The following API5 variants were observed in gnomAD, a reference collection of about 807,000 sequenced individuals.
The protein encoded by API5 is FIF.
In API5, 6 loss-of-function variants were observed where a neutral mutation model predicts 71.9. The ratio of observed to expected loss-of-function variants is 0.08; its 90% CI spans 0.05 to 0.16. The LOEUF (loss-of-function observed/expected upper bound fraction) is 0.16, where lower values mean the gene tolerates loss of function less well. API5 is among the 10% of genes least tolerant of loss of function. The pLI is 1.00. For missense variants in API5, 332 were observed against 612.8 expected, an observed-to-expected ratio of 0.54 and a Z score of 4.84; for synonymous variants, 189 against 221.3, an observed-to-expected ratio of 0.85 and a Z score of 1.30.
chr11:43,321,043 C>T, intron 3 of API5, 129 bp downstream of exon 3: 4 of 719,672 alleles, frequency 5.6e-6, no homozygotes, highest in Middle Eastern at 6.8e-4. Context: ...ATTAAATTTC[C>T]TACTTTCATT....
At chr11:43,317,968 A>T (rs926272410) in intron 1 of API5, among the ~76,000 whole-genome samples, 1 of 149,550 alleles carries the variant, frequency 6.7e-6, no homozygotes, top group African/African-American at 2.5e-5. Context: ...GAGCCACCAC[A>T]CCTGGCCATC....
rs187513563 is a variant in API5, at chr11:43,330,652, A to G, written c.1278+88A>G. 46 of 1,051,998 alleles carry G rather than the reference A, an allele frequency of 4.4e-5. No individual in the cohort carries two copies. In the African/African-American group the frequency reaches 7.1e-4, roughly 16 times the overall value. The allele number at this position is 1,051,998 out of a possible 1,614,324, so 65.2% of individuals were successfully genotyped here. A position where few individuals can be genotyped will look rare whatever the true frequency, so the allele number is the denominator to read the frequency against. On this transcript the variant is annotated intron_variant, in intron 11 of 13. Transcript: ENST00000531273. ...AAAAGTTTTGCATAAGATACTTCCA[A>G]CAAAGGGAGGCATGCAAACTTCTTC...
chr11:43,322,155 T>A lies in API5; in HGVS notation c.543+19T>A. The A allele has an allele frequency of 6.3e-7, 1 of 1,577,476 alleles. No individual in the cohort carries two copies. Among genetic ancestry groups the A allele is most frequent in the Non-Finnish European group, 8.6e-7 (1 of 1,165,290 alleles). ...CAAAAAGGTGAGCTTTGGTCTTCAT[T>A]TGGTGGAAATTCTCTAAAGCAAAAG... On this transcript the variant is annotated intron_variant, in intron 5 of 13. Transcript: ENST00000531273.
intron 8 of API5, among the ~76,000 whole-genome samples, chr11:43,328,199 A>C (rs1855137597): frequency 1.3e-5 from 2 of 152,198 alleles, no homozygotes; most frequent in South Asian, 4.1e-4. Flanking sequence ...AACATCTGGC[A>C]CTCGTCCAGA....
Position 43,312,111 on chromosome 11 carries a change from T to G in API5, c.-17T>G. The G allele has an allele frequency of 6.2e-7, 1 of 1,613,362 alleles. No individual in the cohort carries two copies. Among genetic ancestry groups the G allele is most frequent in the Non-Finnish European group, 8.5e-7 (1 of 1,179,850 alleles). On this transcript the variant is annotated 5_prime_UTR_variant, in exon 1 of 14. Coordinates refer to ENST00000531273, the MANE Select transcript of API5 (RefSeq NM_001142930.2). ...GGACAAGGATAGCGGAACCGGGCCC[T>G]GGGCTTGTCGCTCACCATGCCGACA...
chr11:43,312,604 G>GA (rs983045580), intron 1 of API5, among the ~76,000 whole-genome samples: 26 of 152,024 alleles, frequency 1.7e-4, no homozygotes, highest in African/African-American at 2.4e-5. Context: ...TTTTGGGGGG[G>GA]AGGCAAAATT....
intron 11 of API5, 91 bp downstream of exon 11, chr11:43,330,655 AAGGG>A (rs1855220618): frequency 9.9e-7 from 1 of 1,011,402 alleles, no homozygotes; most frequent in Admixed American, 2.2e-5. Context: ...ACTTCCAACA[AAGGG>A]AGGCATGCAA....
chr11:43,333,650 C>A (rs967806573), intron 11 of API5, among the ~76,000 whole-genome samples: 5 of 152,068 alleles, frequency 3.3e-5, no homozygotes, highest in Admixed American at 2.6e-4. Flanking sequence ...CAGATAGATA[C>A]ATGATTGGCT....
chr11:43,332,794 G>T (rs1467423505), intron 11 of API5, among the ~76,000 whole-genome samples: 1 of 152,082 alleles, frequency 6.6e-6, no homozygotes, highest in Non-Finnish European at 1.5e-5. Flanking sequence ...ACCTTTATTG[G>T]TGTTAAATCA....
chr11:43,329,825 G>A (rs1855194220), intron 9 of API5, 140 bp from the exon 10 acceptor site: 1 of 655,390 alleles, frequency 1.5e-6, no homozygotes. Flanking sequence ...TCAGAAACAA[G>A]CAACTTAAAA....
At chr11:43,314,942 T>C (rs772419823) in intron 1 of API5, among the ~76,000 whole-genome samples, 3 of 152,194 alleles carry the variant, frequency 2.0e-5, no homozygotes, top group Non-Finnish European at 4.4e-5. Context: ...GAGAAAACCG[T>C]GTTCATGTTC....
Position 43,318,795 on chromosome 11 carries a change from T to C in API5, c.225T>C (p.Asp75=). 1.2e-6 allele frequency: 2 copies of C among 1,612,082 alleles called. No homozygotes were observed. Among genetic ancestry groups the C allele is most frequent in the South Asian group, 1.1e-5 (1 of 90,990 alleles). Residue 75 remains aspartate (D), a synonymous_variant, in exon 2 of 14, where the codon GAT becomes GAC. Coordinates refer to ENST00000531273, the MANE Select transcript of API5 (RefSeq NM_001142930.2). ...AGTTAGACCTCTGTGAGGATGAAGATGTATCTGTAAGTTTATGAATGACAC... is the reference window on the plus strand; with the variant it reads ...AGTTAGACCTCTGTGAGGATGAAGACGTATCTGTAAGTTTATGAATGACAC... ...NAQLDLCEDE[D]VSIRRQAIKE...
chr11:43,339,578 A>ATGAAAGT (rs1855545318), intron 13 of API5, among the ~76,000 whole-genome samples: 1 of 152,202 alleles, frequency 6.6e-6, no homozygotes, highest in Non-Finnish European at 1.5e-5. Flanking sequence ...TCTGTACATC[A>ATGAAAGT]CAAGTGACTT....
intron 13 of API5, among the ~76,000 whole-genome samples, chr11:43,337,806 G>C (rs1031517006): frequency 3.9e-5 from 6 of 152,168 alleles, no homozygotes; most frequent in Non-Finnish European, 7.3e-5. Flanking sequence ...GGCAATACAA[G>C]AATTGTACTC....
intron 6 of API5, among the ~76,000 whole-genome samples, chr11:43,325,168 A>G (rs1444368828): frequency 6.6e-5 from 10 of 152,246 alleles, no homozygotes; most frequent in African/African-American, 2.4e-4. Flanking sequence ...ACTTGTACTT[A>G]TAACATGTCT....
At position 43,312,072 on chromosome 11, in the gene API5, G is replaced by T; in HGVS notation, c.-56G>T. 3 of 1,596,668 alleles carry T rather than the reference G, an allele frequency of 1.9e-6. No individual in the cohort carries two copies. The highest frequency in any genetic ancestry group is 2.2e-5 in the East Asian group (1 of 44,596). On this transcript the variant is annotated 5_prime_UTR_variant, in exon 1 of 14. Transcript: ENST00000531273. ...GGGTTTGGAGAAGTTCCGAGGCGGC[G>T]GTGGCGCCGGTCAGGACAAGGATAG...
intron 1 of API5, chr11:43,318,395 C>T (rs1565100933): frequency 6.6e-7 from 1 of 1,503,806 alleles, no homozygotes; most frequent in Non-Finnish European, 8.9e-7. Flanking sequence ...TTAACAAACA[C>T]ATTTGCTTTT....
At chr11:43,335,138 G>A in intron 11 of API5, 140 bp from the exon 12 acceptor site, 1 of 660,974 alleles carries the variant, frequency 1.5e-6, no homozygotes, top group Non-Finnish European at 2.7e-6. Context: ...AAACAAAATT[G>A]TTCCTGTTTA....
chr11:43,313,875 G>C (rs891632549), intron 1 of API5, among the ~76,000 whole-genome samples: 1 of 152,110 alleles, frequency 6.6e-6, no homozygotes, highest in African/African-American at 2.4e-5. Context: ...GATCAGTTGA[G>C]ATCAGGAGTT....
Sources: gnomAD v4.1 joint callset for allele counts (sites outside exome capture counted in the v4.1 genomes callset) on GRCh38, gnomAD v4.1.1 for gene constraint, MANE v1.5 for transcripts, NCBI Gene and HGNC (gene_info 2026-07-23, HGNC 2026-07-21) for gene names.